The following HTR4 variants were observed in gnomAD, a reference collection of about 807,000 sequenced individuals.
The protein encoded by HTR4 is 5-hydroxytryptamine receptor 4, also known as 5-hydroxytryptamine (serotonin) receptor 4, G protein-coupled.
In HTR4, 16 loss-of-function variants were observed where a neutral mutation model predicts 36.8. That is an observed-to-expected ratio of 0.43 (90% confidence interval 0.29 to 0.66). The LOEUF (loss-of-function observed/expected upper bound fraction) is 0.66. HTR4 is among the 30% of genes least tolerant of loss of function. HTR4 has a pLI of 0.13. For synonymous variants in HTR4, 189 were observed against 185.1 expected, an observed-to-expected ratio of 1.02 and a Z score of -0.17; for missense variants, 438 against 490.9, an observed-to-expected ratio of 0.89 and a Z score of 1.02.
chr5:148,645,959 A>T (rs1753867701), intron 1 of HTR4: 1 of 152,250 alleles, frequency 6.6e-6, no homozygotes, highest in Non-Finnish European at 1.5e-5. Context: ...GAGGTCTGGA[A>T]TTGGGAGCAG....
rs201029786 is a variant in HTR4 at position 148,523,324 on chromosome 5, G to T, written c.376C>A (p.Pro126Thr). ...GTCATCTTGTTCCTATAGACCAAAG[G>T]CTGGCAGCAGATGGCGTAATACCTG... ...LDRYYAICCQ[P>T]LVYRNKMTPL... Residue 126 changes from proline to threonine, a missense_variant, in exon 5 of 7, where the codon CCT (proline) becomes ACT (threonine). Coordinates refer to ENST00000377888, the MANE Select transcript of HTR4 (RefSeq NM_000870.7). 1.9e-6 allele frequency: 3 copies of T among 1,610,834 alleles called. No homozygotes were observed. The African/African-American group carries it at 4.0e-5, about 22-fold the overall frequency.
intron 5 of HTR4, among the ~76,000 whole-genome samples, chr5:148,453,784 A>C (rs1214384420): frequency 1.3e-5 from 2 of 152,192 alleles, no homozygotes; most frequent in African/African-American, 4.8e-5. Context: ...GCCTCTCAGC[A>C]GACTCCCTCT....
At chr5:148,631,729 A>G (rs1753330478) in intron 2 of HTR4, among the ~76,000 whole-genome samples, 1 of 152,128 alleles carries the variant, frequency 6.6e-6, no homozygotes, top group Non-Finnish European at 1.5e-5. Flanking sequence ...ATTGATATCC[A>G]ATACATTTAA....
chr5:148,580,351 C>G (rs1761084547), intron 2 of HTR4, among the ~76,000 whole-genome samples: 1 of 151,968 alleles, frequency 6.6e-6, no homozygotes, highest in South Asian at 2.1e-4. Context: ...CTCATGTCGC[C>G]ATCACTATAA....
intron 5 of HTR4, among the ~76,000 whole-genome samples, chr5:148,467,125 G>A: frequency 6.6e-6 from 1 of 152,168 alleles, no homozygotes; most frequent in East Asian, 1.9e-4. Context: ...TAGCAGGATT[G>A]TTGAATTTTA....
chr5:148,563,031 A>G (rs1214289343), intron 2 of HTR4, among the ~76,000 whole-genome samples: 1 of 152,164 alleles, frequency 6.6e-6, no homozygotes, highest in African/African-American at 2.4e-5. Context: ...AGATTGGAAC[A>G]TATCACTTCC....
chr5:148,544,080 A>G (rs577078932), intron 4 of HTR4, among the ~76,000 whole-genome samples: 1 of 152,308 alleles, frequency 6.6e-6, no homozygotes, highest in African/African-American at 2.4e-5. Context: ...GGAAAATTGA[A>G]GTTTAAAATG....
chr5:148,599,762 G>T (rs1029750664), intron 2 of HTR4, among the ~76,000 whole-genome samples: 2 of 151,800 alleles, frequency 1.3e-5, no homozygotes, highest in African/African-American at 2.4e-5. Context: ...TATGTTTTTT[G>T]CAGTTTAAAA....
At chr5:148,507,378 G>GT (rs1254887601) in intron 6 of HTR4, among the ~76,000 whole-genome samples, 1 of 109,514 alleles carries the variant, frequency 9.1e-6, no homozygotes, top group Non-Finnish European at 1.7e-5. Context: ...CTGTCGTGGG[G>GT]TGGGGGGAGG....
intron 5 of HTR4, among the ~76,000 whole-genome samples, chr5:148,452,628 C>T (rs950160808): frequency 1.6e-4 from 24 of 152,164 alleles, no homozygotes; most frequent in Admixed American, 1.5e-3. Context: ...GTCCCTTTAG[C>T]TGGCTAGAAG....
chr5:148,542,351 A>T (rs532830417), intron 4 of HTR4, among the ~76,000 whole-genome samples: 3 of 152,230 alleles, frequency 2.0e-5, no homozygotes. Flanking sequence ...CTTTTCATTT[A>T]TACATTACAA....
chr5:148,491,465 A>C (rs912387361), intron 6 of HTR4, among the ~76,000 whole-genome samples: 2 of 152,160 alleles, frequency 1.3e-5, no homozygotes, highest in African/African-American at 4.8e-5. Flanking sequence ...TGTAAAGCTC[A>C]GAGGACTAGT....
chr5:148,594,222 T>C (rs2127261394), intron 2 of HTR4, among the ~76,000 whole-genome samples: 1 of 152,236 alleles, frequency 6.6e-6, no homozygotes, highest in Admixed American at 6.5e-5. Flanking sequence ...CACAGACAGG[T>C]AAATGCTTGT....
chr5:148,515,959 CT>C (rs1479053268), intron 5 of HTR4, among the ~76,000 whole-genome samples: 2 of 149,420 alleles, frequency 1.3e-5, no homozygotes, highest in African/African-American at 4.9e-5. Flanking sequence ...GATGTTAGAA[CT>C]TTTTTGTATT....
intron 6 of HTR4, chr5:148,490,891 C>A: frequency 2.2e-6 from 1 of 458,212 alleles, no homozygotes; most frequent in Non-Finnish European, 4.3e-6. Context: ...AACCTCTTTG[C>A]TCTAAGCTCA....
intron 5 of HTR4, among the ~76,000 whole-genome samples, chr5:148,457,844 T>C: frequency 7.1e-6 from 1 of 141,054 alleles, no homozygotes; most frequent in East Asian, 2.0e-4. Context: ...TTTTGTTATA[T>C]CATTAAAATA....
downstream of HTR4, among the ~76,000 whole-genome samples, chr5:148,473,289 G>A (rs570239547): frequency 4.3e-5 from 6 of 139,258 alleles, no homozygotes; most frequent in South Asian, 4.5e-4. Flanking sequence ...GCAACAGAGC[G>A]AGACTCCATC....
chr5:148,597,897 C>A (rs557321186), intron 2 of HTR4, among the ~76,000 whole-genome samples: 12 of 152,302 alleles, frequency 7.9e-5, no homozygotes, highest in Admixed American at 2.0e-4. Context: ...ACATAGAAAG[C>A]ATTCCATAAA....
At chr5:148,636,357 T>C (rs1011894594) in intron 2 of HTR4, among the ~76,000 whole-genome samples, 1 of 152,228 alleles carries the variant, frequency 6.6e-6, no homozygotes, top group Non-Finnish European at 1.5e-5. Context: ...CAGCCTCAAA[T>C]GCCAATTCAT....
Sources: allele counts gnomAD v4.1 joint callset (sites outside exome capture counted in the v4.1 genomes callset), GRCh38; gene constraint gnomAD v4.1.1; transcripts MANE v1.5; gene names NCBI Gene and HGNC (gene_info 2026-07-23, HGNC 2026-07-21).